Variants in SPTA1 observed in about 807,000 individuals in gnomAD.
SPTA1 encodes the protein spectrin alpha, erythrocytic 1.
In SPTA1, 177 loss-of-function variants were observed where a neutral mutation model predicts 324.7. The observed-to-expected ratio is 0.55, with a 90% confidence interval of 0.48 to 0.62. The LOEUF (loss-of-function observed/expected upper bound fraction) is 0.62, where lower values mean the gene tolerates loss of function less well. SPTA1 is among the 20% of genes least tolerant of loss of function. The pLI is 0.00. For missense variants in SPTA1, 3,162 were observed against 2,883.6 expected (o/e 1.10, Z -2.21); for synonymous variants, 1,195 against 1,041.3 (o/e 1.15, Z -2.84).
At chr1:158,617,724 C>A in intron 46 of SPTA1, 136 bp from the exon 47 acceptor site, 1 of 845,532 alleles carries the variant, frequency 1.2e-6, no homozygotes, top group Non-Finnish European at 2.0e-6. Flanking sequence ...TTCACAGAGC[C>A]AAATTTTCAC....
At chr1:158,669,253 C>T (rs1653827425) in intron 14 of SPTA1, among the ~76,000 whole-genome samples, 155 bp downstream of exon 14, 2 of 152,084 alleles carry the variant, frequency 1.3e-5, no homozygotes, top group Non-Finnish European at 2.9e-5. Flanking sequence ...TATAAATAGC[C>T]TTCAGGGATT....
chr1:158,628,769 A>G (rs982387686), intron 39 of SPTA1, among the ~76,000 whole-genome samples: 1 of 152,126 alleles, frequency 6.6e-6, no homozygotes, highest in Non-Finnish European at 1.5e-5. Flanking sequence ...ACTGTTGTCA[A>G]AGAAATAAAA....
Position 158,666,325 on chromosome 1 carries a change from A to G in SPTA1, c.2211T>C (p.Ala737=). ...RKHGLLESAV[A]ARQDQVDILT... ...AGAGCTAACAACAAACCTGACGAGC[A>G]GCCACAGCCGACTCCAGGAGGCCGT... Residue 737 remains alanine, a synonymous_variant, in exon 16 of 52, where the codon GCT becomes GCC. Coordinates refer to ENST00000643759, the MANE Select transcript of SPTA1 (RefSeq NM_003126.4). 6.2e-7 allele frequency: 1 copy of G among 1,613,730 alleles called. No individual in the cohort carries two copies. Among genetic ancestry groups the G allele is most frequent in the African/African-American group, 1.3e-5 (1 of 74,984 alleles).
chr1:158,676,989 G>C (rs1489968331), intron 7 of SPTA1, among the ~76,000 whole-genome samples: 1 of 152,116 alleles, frequency 6.6e-6, no homozygotes, highest in Non-Finnish European at 1.5e-5. Flanking sequence ...AGAAAAAGTA[G>C]AATGGTGGAA....
At chr1:158,654,479 CAGTTAT>C in intron 21 of SPTA1, 126 bp downstream of exon 21, 1 of 1,254,878 alleles carries the variant, frequency 8.0e-7, no homozygotes. Flanking sequence ...ACTACCTAAT[CAGTTAT>C]AGTTATTCAA....
At chr1:158,652,779 T>C (rs901190856) in intron 22 of SPTA1, 126 bp from the exon 23 acceptor site, 36 of 1,104,520 alleles carry the variant, frequency 3.3e-5, no homozygotes, top group Middle Eastern at 4.4e-4. Flanking sequence ...AGCAAAAGAA[T>C]AGTAGAAGAG....
chr1:158,656,231 A>G (rs1652814569), intron 20 of SPTA1, among the ~76,000 whole-genome samples: 1 of 152,196 alleles, frequency 6.6e-6, no homozygotes, highest in African/African-American at 2.4e-5. Context: ...TTAAGAAACA[A>G]AAGAAGGGAG....
chr1:158,618,091 G>T, intron 45 of SPTA1, 35 bp from the exon 46 acceptor site: 1 of 1,591,748 alleles, frequency 6.3e-7, no homozygotes, highest in Non-Finnish European at 8.6e-7. Flanking sequence ...AATCACATGA[G>T]AGAAAAGGGA....
At position 158,674,333 on chromosome 1, in the gene SPTA1, T is replaced by C. The variant is rs1027795869; in HGVS notation, c.1346A>G (p.Glu449Gly). The C allele has an allele frequency of 6.2e-7, 1 of 1,614,018 alleles. No homozygotes were observed. Among genetic ancestry groups the C allele is most frequent in the African/African-American group, 1.3e-5 (1 of 75,052 alleles). Residue 449 changes from glutamate to glycine, a missense_variant, in exon 10 of 52, where the codon GAA becomes GGA. Glu to Gly is a moderately conservative substitution (Grantham distance 98). Transcript: ENST00000643759. ...ANHEASDEVR[E>G]KMEILDNNWT... The stretch of plus-strand genomic sequence containing the variant: ...AACTCTGTTAAACTAGATTACCTTT[T>C]CCCGAACTTCATCAGAGGCTTCATG...
rs764815286 is a variant in SPTA1, at chr1:158,638,232, T to C, written c.4990A>G (p.Lys1664Glu). 9.9e-6 allele frequency: 16 copies of C among 1,612,144 alleles called. No individual in the cohort carries two copies. Among genetic ancestry groups the C allele is most frequent in the Non-Finnish European group, 1.4e-5 (16 of 1,179,852 alleles). Residue 1664 changes from lysine to glutamate, a missense_variant, in exon 36 of 52, where the codon AAG becomes GAG. Lys to Glu is a moderately conservative substitution (Grantham distance 56). Coordinates refer to ENST00000643759, the MANE Select transcript of SPTA1 (RefSeq NM_003126.4). ...TCTTCAGCCAATGTATTCAGGTCCTTGAGTGCATCCTAGAAAGTCTCGGGA... is the reference window on the plus strand; with the variant it reads ...TCTTCAGCCAATGTATTCAGGTCCTCGAGTGCATCCTAGAAAGTCTCGGGA... Reference protein sequence around the residue: ...REMLAREDALKDLNTLAEDLL... With the variant: ...REMLAREDALEDLNTLAEDLL...
At chr1:158,673,235 A>G (rs1557984904) in intron 10 of SPTA1, among the ~76,000 whole-genome samples, 1 of 151,858 alleles carries the variant, frequency 6.6e-6, no homozygotes, top group African/African-American at 2.4e-5. Flanking sequence ...AAAAAAAACT[A>G]TATTATAATG....
At chr1:158,654,897 G>A in intron 20 of SPTA1, 149 bp from the exon 21 acceptor site, 1 of 1,064,148 alleles carries the variant, frequency 9.4e-7, no homozygotes, top group Non-Finnish European at 1.4e-6. Flanking sequence ...AAAGTATGTG[G>A]TCTTCAGAGA....
rs781139182 is a variant in SPTA1, at chr1:158,676,315, C to T, written c.958-20G>A. The T allele has an allele frequency of 6.2e-7, 1 of 1,612,766 alleles. No individual in the cohort carries two copies. The highest frequency in any genetic ancestry group is 1.1e-5 in the South Asian group (1 of 91,062). On this transcript the variant is annotated intron_variant, in intron 7 of 51. Coordinates refer to ENST00000643759, the MANE Select transcript of SPTA1 (RefSeq NM_003126.4). ...CTTCACCTTTGGGATGAAAAAGAAACCTAGTAGGAAATCCAAGTACTCTGA... is the reference window on the plus strand; with the variant it reads ...CTTCACCTTTGGGATGAAAAAGAAATCTAGTAGGAAATCCAAGTACTCTGA...
At chr1:158,636,058 T>C (rs773080861) in intron 37 of SPTA1, 24 bp from the exon 38 acceptor site, 17 of 1,613,990 alleles carry the variant, frequency 1.1e-5, no homozygotes, top group Non-Finnish European at 1.4e-5. Flanking sequence ...CCGATACATG[T>C]TCCATTACCC....
chr1:158,683,278 C>G, intron 3 of SPTA1, 93 bp downstream of exon 3: 2 of 1,585,152 alleles, frequency 1.3e-6, no homozygotes, highest in Non-Finnish European at 1.7e-6. Context: ...TGGGTATAAG[C>G]CAGCCACTCA....
rs1039132711 is a variant in SPTA1 at position 158,611,211 on chromosome 1, C to A, written c.*53G>T. The A allele has an allele frequency of 1.2e-6, 2 of 1,609,634 alleles. No individual in the cohort carries two copies. Among genetic ancestry groups the A allele is most frequent in the Non-Finnish European group, 8.5e-7 (1 of 1,177,098 alleles). ...ACATTTGCCTGTACTCTTTGCCCCCCAGTAAATTTCCCACGACACTAAGAT... is the reference window on the plus strand; with the variant it reads ...ACATTTGCCTGTACTCTTTGCCCCCAAGTAAATTTCCCACGACACTAAGAT... On this transcript the variant is annotated 3_prime_UTR_variant, in exon 52 of 52. Coordinates refer to ENST00000643759, the MANE Select transcript of SPTA1 (RefSeq NM_003126.4).
chr1:158,659,595 A>ATTATTTTTTTTTTTTTTTTTTTTTT (rs1345384278), intron 18 of SPTA1, among the ~76,000 whole-genome samples: 1 of 68,780 alleles, frequency 1.5e-5, no homozygotes, highest in Non-Finnish European at 3.3e-5. Flanking sequence ...TCTTAGCATT[A>ATTATTTTTTTTTTTTTTTTTTTTTT]TTTTTTTTTT....
At chr1:158,622,611 G>A in intron 43 of SPTA1, 1 of 270,248 alleles carries the variant, frequency 3.7e-6, no homozygotes, top group South Asian at 4.0e-5. Context: ...GTGAGAACAT[G>A]TTTTATGACA....
rs1655082524 is a variant in SPTA1 at position 158,685,236 on chromosome 1, C to A, written c.136G>T (p.Gly46Cys). The change falls in exon 2 of 52, where the codon GGT becomes TGT. Residue 46 changes from glycine (G) to cysteine (C), a missense_variant. Physicochemically the swap from Gly to Cys is radical, Grantham distance 159 (BLOSUM62 -3). Transcript: ENST00000643759. ...TGATAGGAATCCTCAAGCTTCTGAC[C>A]CCTCTCAGCGACCCGCTCCTTGAAA... ...QSFKERVAER[G>C]QKLEDSYHLQ... 2 of 1,613,592 alleles carry A rather than the reference C, an allele frequency of 1.2e-6. No individual in the cohort carries two copies. Among genetic ancestry groups the A allele is most frequent in the Admixed American group, 1.7e-5 (1 of 59,928 alleles).
Sources: allele counts gnomAD v4.1 joint callset (sites outside exome capture counted in the v4.1 genomes callset), GRCh38; gene constraint gnomAD v4.1.1; transcripts MANE v1.5; gene names NCBI Gene and HGNC (gene_info 2026-07-23, HGNC 2026-07-21).